Variants in ZNF236 observed in about 807,000 individuals in gnomAD.
ZNF236 encodes regulated by glucose.
Under a neutral mutation model 191.2 loss-of-function variants are expected in ZNF236, and 50 were observed. The ratio of observed to expected loss-of-function variants is 0.26; its 90% CI spans 0.21 to 0.33. ZNF236 has a LOEUF of 0.33. Ranked by LOEUF, ZNF236 falls within the 10% of genes least tolerant of loss-of-function variation. ZNF236 has a pLI of 1.00. For synonymous variants in ZNF236, 907 were observed against 928.8 expected, an observed-to-expected ratio of 0.98 and a Z score of 0.43; for missense variants, 1,754 against 2,374.5, an observed-to-expected ratio of 0.74 and a Z score of 5.43.
intron 1 of ZNF236, among the ~76,000 whole-genome samples, chr18:76,841,342 G>A (rs190651586): frequency 4.6e-5 from 7 of 152,346 alleles, no homozygotes; most frequent in Admixed American, 3.9e-4. Context: ...CAAAGTGTTG[G>A]ATTACAGGCG....
At chr18:76,869,464 A>G (rs1162049038) in intron 4 of ZNF236, among the ~76,000 whole-genome samples, 2 of 152,222 alleles carry the variant, frequency 1.3e-5, no homozygotes, top group South Asian at 2.1e-4. Flanking sequence ...GAATGCATTT[A>G]TACATTTATT....
chr18:76,877,029 A>C (rs1366040440), intron 6 of ZNF236, among the ~76,000 whole-genome samples: 1 of 152,216 alleles, frequency 6.6e-6, no homozygotes, highest in Non-Finnish European at 1.5e-5. Context: ...CACCAGAAAC[A>C]GAATGGAAGT....
At chr18:76,915,195 T>C (rs923552146) in intron 18 of ZNF236, among the ~76,000 whole-genome samples, 6 of 152,202 alleles carry the variant, frequency 3.9e-5, no homozygotes, top group East Asian at 1.9e-4. Flanking sequence ...AAAGTAAAGC[T>C]GTATAGAAGA....
At chr18:76,918,760 G>A (rs1037591604) in intron 19 of ZNF236, among the ~76,000 whole-genome samples, 5 of 152,062 alleles carry the variant, frequency 3.3e-5, no homozygotes, top group African/African-American at 9.7e-5. Flanking sequence ...TTGCTGTGTG[G>A]CCCAGGCTGG....
At position 76,837,437 on chromosome 18, in the gene ZNF236, C is replaced by CTTTTTTTTTTTTTTTTTTTT. The variant is rs71760598; in HGVS notation, c.56-12088_56-12069dup. 9.1e-4 allele frequency among the ~76,000 whole-genome samples: 96 copies of CTTTTTTTTTTTTTTTTTTTT among 105,824 alleles called. 1 individual carries two copies. Among genetic ancestry groups the CTTTTTTTTTTTTTTTTTTTT allele is most frequent in the Middle Eastern group, 6.6e-3 (1 of 152 alleles). The allele number at this position is 105,824 out of a possible 152,430, so 69.4% of individuals were successfully genotyped here. A position where few individuals can be genotyped will look rare whatever the true frequency, so the allele number is the denominator to read the frequency against. ...AATTCCTTTTTTTCTTTTTCTTTTT[C>CTTTTTTTTTTTTTTTTTTTT]TTTTTTTTTTTTTTTTTTTTGAGAC... On this transcript the variant is annotated intron_variant, in intron 1 of 30. Transcript: ENST00000320610.
chr18:76,834,575 C>A, intron 1 of ZNF236: 1 of 478,736 alleles, frequency 2.1e-6, no homozygotes, highest in Non-Finnish European at 4.1e-6. Context: ...GGGTGAATGC[C>A]TGTGTGCACA....
intron 6 of ZNF236, among the ~76,000 whole-genome samples, chr18:76,877,293 G>C (rs915294243): frequency 2.6e-5 from 4 of 152,122 alleles, no homozygotes; most frequent in Admixed American, 2.0e-4. Context: ...TGGATCACCT[G>C]AGGTCAGGAG....
chr18:76,948,954 A>G (rs1968339420), intron 27 of ZNF236, among the ~76,000 whole-genome samples: 1 of 152,142 alleles, frequency 6.6e-6, no homozygotes, highest in African/African-American at 2.4e-5. Flanking sequence ...TTACCTACTA[A>G]TAGCAGGATG....
rs570438233 is a variant in ZNF236 at position 76,847,088 on chromosome 18, C to T, written c.56-2438C>T. 3.2e-4 allele frequency among the ~76,000 whole-genome samples: 49 copies of T among 151,672 alleles called. 1 individual carries two copies. The South Asian group carries it at 8.1e-3, about 25-fold the overall frequency. Reference sequence around the variant, plus strand: ...AATTACAGGCATGAGCCACTGTGCCCGGCCTCGACATCATTTTTCAATTTT... The same window carrying T: ...AATTACAGGCATGAGCCACTGTGCCTGGCCTCGACATCATTTTTCAATTTT... On this transcript the variant is annotated intron_variant, in intron 1 of 30. Transcript: ENST00000320610.
chr18:76,822,761 C>CGGGGCGGGGGCGGGGGCG (rs1202556929), intron 1 of ZNF236, 99 bp downstream of exon 1: 1 of 143,932 alleles, frequency 6.9e-6, no homozygotes, highest in Non-Finnish European at 1.5e-5. Flanking sequence ...CCGGGAGCGG[C>CGGGGCGGGGGCGGGGGCG]GGGGCGGGGG....
chr18:76,875,676 T>C lies in ZNF236; in HGVS notation c.840+12T>C, dbSNP rs1976692255. The C allele has an allele frequency of 1.9e-6, 3 of 1,542,414 alleles. No individual in the cohort carries two copies. The highest frequency in any genetic ancestry group is 1.4e-5 in the African/African-American group (1 of 72,928). ...GAGTCCACTCAGAGGTAAACACGGG[T>C]TGGGGGCATAAGCGGTATTTCACAG... On this transcript the variant is annotated intron_variant, in intron 6 of 30. Transcript: ENST00000320610. The surrounding 1 kb of genome is among the most constrained non-coding windows in gnomAD (Gnocchi z 4.3).
chr18:76,914,866 A>G (rs1967314536), intron 18 of ZNF236, among the ~76,000 whole-genome samples: 1 of 152,156 alleles, frequency 6.6e-6, no homozygotes, highest in South Asian at 2.1e-4. Flanking sequence ...TTTAATATCA[A>G]TGTATATTTT....
At chr18:76,883,017 C>T (rs1482607937) in intron 9 of ZNF236, among the ~76,000 whole-genome samples, 5 of 152,204 alleles carry the variant, frequency 3.3e-5, no homozygotes, top group Admixed American at 1.3e-4. Flanking sequence ...TGAGGAGCCA[C>T]GTCAGACCTT....
At chr18:76,892,156 A>AT (rs1977258218) in intron 9 of ZNF236, among the ~76,000 whole-genome samples, 1 of 74,370 alleles carries the variant, frequency 1.3e-5, no homozygotes. Flanking sequence ...TCTTTTTGAA[A>AT]TTTTCTTCTG....
chr18:76,822,919 G>C (rs563113891), intron 1 of ZNF236, among the ~76,000 whole-genome samples: 8 of 148,278 alleles, frequency 5.4e-5, no homozygotes, highest in Admixed American at 3.3e-4. Flanking sequence ...GGCGGGAGGC[G>C]GGAGGCGGGT....
chr18:76,910,000 G>T, intron 14 of ZNF236, 68 bp from the exon 15 acceptor site: 3 of 1,222,478 alleles, frequency 2.5e-6, no homozygotes, highest in African/African-American at 1.5e-5. Context: ...GTGTACTTTT[G>T]GACAGATTTG....
chr18:76,833,985 C>T (rs1975243801), intron 1 of ZNF236, among the ~76,000 whole-genome samples: 1 of 152,182 alleles, frequency 6.6e-6, no homozygotes, highest in Non-Finnish European at 1.5e-5. Flanking sequence ...GCCACCATGA[C>T]TTGGCCTTTT....
intron 3 of ZNF236, among the ~76,000 whole-genome samples, chr18:76,854,916 A>G (rs574818456): frequency 8.5e-4 from 129 of 152,196 alleles, no homozygotes; most frequent in Non-Finnish European, 1.2e-3. Context: ...GGCTATAGTT[A>G]TATTTATATT....
Position 76,968,377 on chromosome 18 carries a change from G to A in ZNF236, c.*38G>A. ...GTACACCTTTAAGAATGTTTCTGAA[G>A]TTACGTTTTGTGAAGAGCAAAGCAC... On this transcript the variant is annotated 3_prime_UTR_variant, in exon 31 of 31. Transcript: ENST00000320610. The A allele has an allele frequency of 6.3e-7, 1 of 1,581,616 alleles. No homozygotes were observed. Among genetic ancestry groups the A allele is most frequent in the Non-Finnish European group, 8.5e-7 (1 of 1,171,612 alleles).
Sources: allele counts gnomAD v4.1 joint callset (sites outside exome capture counted in the v4.1 genomes callset), GRCh38; gene constraint gnomAD v4.1.1; non-coding constraint Gnocchi (gnomAD v3.1); transcripts MANE v1.5; gene names NCBI Gene and HGNC (gene_info 2026-07-23, HGNC 2026-07-21).